Variants in TMEM200A observed in about 807,000 individuals in gnomAD.
TMEM200A encodes two transmembrane C.
Under a neutral mutation model 24.3 loss-of-function variants are expected in TMEM200A, and 12 were observed. The ratio of observed to expected loss-of-function variants is 0.49; its 90% CI spans 0.32 to 0.80. The LOEUF is 0.80. Among genes scored for constraint, TMEM200A ranks in the 30% least tolerant of loss-of-function variants. TMEM200A has a pLI of 0.04. For missense variants in TMEM200A, 545 were observed against 614.4 expected (o/e 0.89, Z 1.19); for synonymous variants, 224 against 224.4 (o/e 1.00, Z 0.02).
intron 2 of TMEM200A, among the ~76,000 whole-genome samples, chr6:130,395,843 A>G (rs1212873781): frequency 6.6e-6 from 1 of 152,248 alleles, no homozygotes; most frequent in East Asian, 1.9e-4. Flanking sequence ...ATACTGAACT[A>G]ATAGTACTGT....
At chr6:130,398,011 G>C (rs1778991166) in intron 2 of TMEM200A, among the ~76,000 whole-genome samples, 1 of 151,708 alleles carries the variant, frequency 6.6e-6, no homozygotes, top group African/African-American at 2.4e-5. Flanking sequence ...TACATTTGTA[G>C]GTTTGTTACA....
rs143440755 is a variant in TMEM200A, at chr6:130,396,961, T to C, written c.-17+11725T>C. Among the ~76,000 whole-genome samples the C allele has an allele frequency of 6.0e-3, 920 of 152,342 alleles. 6 individuals carry two copies. The highest frequency in any genetic ancestry group is 0.017 in the South Asian group (81 of 4,828). On this transcript the variant is annotated intron_variant, in intron 2 of 2. Coordinates refer to ENST00000296978, the MANE Select transcript of TMEM200A (RefSeq NM_001258277.2). ...GCTTCATACTTTTACTTTCTGTTTG[T>C]ACTTACAATTATTTATAGCATTGTC... is the stretch of plus-strand genomic sequence containing the variant.
intron 1 of TMEM200A, among the ~76,000 whole-genome samples, chr6:130,378,825 G>A (rs1778529923): frequency 6.6e-6 from 1 of 151,968 alleles, no homozygotes; most frequent in South Asian, 2.1e-4. Context: ...TTTATTTCAT[G>A]CTGCTGTAAC....
At chr6:130,400,633 A>G (rs1779063644) in intron 2 of TMEM200A, among the ~76,000 whole-genome samples, 1 of 151,656 alleles carries the variant, frequency 6.6e-6, no homozygotes, top group African/African-American at 2.4e-5. Context: ...GAGGGGTTTC[A>G]TTAGTCCAAG....
chr6:130,426,697 A>C (rs779617208), intron 2 of TMEM200A, among the ~76,000 whole-genome samples: 4 of 152,212 alleles, frequency 2.6e-5, no homozygotes, highest in African/African-American at 4.8e-5. Context: ...GGAAAGAAAG[A>C]AAGCCATGTC....
At chr6:130,391,543 T>C (rs1333670873) in intron 2 of TMEM200A, among the ~76,000 whole-genome samples, 2 of 152,064 alleles carry the variant, frequency 1.3e-5, no homozygotes, top group East Asian at 3.9e-4. Flanking sequence ...GCAATTCCCA[T>C]ACCCAGGCTC....
intron 1 of TMEM200A, chr6:130,381,850 G>C: frequency 2.1e-6 from 2 of 937,706 alleles, no homozygotes; most frequent in Non-Finnish European, 2.5e-6. Flanking sequence ...AGTAGAATTT[G>C]AGAAATTGCT....
chr6:130,397,035 T>C (rs1182030555), intron 2 of TMEM200A, among the ~76,000 whole-genome samples: 1 of 152,188 alleles, frequency 6.6e-6, no homozygotes, highest in Non-Finnish European at 1.5e-5. Context: ...CACATGCTCT[T>C]TGCACATTTT....
intron 2 of TMEM200A, 118 bp from the exon 3 acceptor site, chr6:130,440,289 A>G (rs1780123495): frequency 2.0e-6 from 2 of 1,025,512 alleles, no homozygotes; most frequent in East Asian, 5.6e-5. Context: ...GCCCCATTTA[A>G]TCACATGAAA....
intron 2 of TMEM200A, among the ~76,000 whole-genome samples, chr6:130,422,113 ATTGT>A (rs1223893571): frequency 1.3e-5 from 2 of 152,090 alleles, no homozygotes; most frequent in African/African-American, 2.4e-5. Context: ...CCTGTTTTTG[ATTGT>A]TTGAGGAACC....
chr6:130,368,430 C>A (rs77479140), intron 1 of TMEM200A, among the ~76,000 whole-genome samples: 2,779 of 152,168 alleles, frequency 0.018, 23 homozygotes, highest in Non-Finnish European at 0.027. Flanking sequence ...CGTTACTTAT[C>A]AAATAGAGGG....
chr6:130,383,788 A>G (rs888585957), intron 1 of TMEM200A, among the ~76,000 whole-genome samples: 2 of 152,186 alleles, frequency 1.3e-5, no homozygotes, highest in African/African-American at 4.8e-5. Flanking sequence ...CATGGGACCC[A>G]TAGAACCTCG....
intron 1 of TMEM200A, among the ~76,000 whole-genome samples, chr6:130,378,979 C>T (rs188126702): frequency 2.7e-4 from 41 of 152,236 alleles, no homozygotes; most frequent in African/African-American, 8.9e-4. Flanking sequence ...GGCAGAAGGA[C>T]GAGAGCATAT....
intron 2 of TMEM200A, among the ~76,000 whole-genome samples, chr6:130,405,862 C>T (rs1053793760): frequency 6.6e-6 from 1 of 152,192 alleles, no homozygotes; most frequent in African/African-American, 2.4e-5. Flanking sequence ...ACATGCTTAA[C>T]ACTTCACTGG....
At chr6:130,418,703 G>C (rs1779512927) in intron 2 of TMEM200A, among the ~76,000 whole-genome samples, 1 of 152,040 alleles carries the variant, frequency 6.6e-6, no homozygotes, top group Admixed American at 6.6e-5. Context: ...GAAAGATCTG[G>C]GTTTGGGTCC....
upstream of TMEM200A, chr6:130,365,987 T>A: frequency 2.0e-6 from 2 of 985,408 alleles, no homozygotes. Flanking sequence ...TCTTCGGGGC[T>A]TTATGGCGTG....
At chr6:130,368,270 T>A (rs1583165710) in intron 1 of TMEM200A, among the ~76,000 whole-genome samples, 1 of 152,216 alleles carries the variant, frequency 6.6e-6, no homozygotes, top group East Asian at 1.9e-4. Context: ...TTAAATGCTG[T>A]ACTTCTCATG....
chr6:130,369,000 T>G (rs1325435351), intron 1 of TMEM200A, among the ~76,000 whole-genome samples: 1 of 152,124 alleles, frequency 6.6e-6, no homozygotes, highest in Non-Finnish European at 1.5e-5. Flanking sequence ...GAAGTCAGTG[T>G]GTGTGTGTAG....
intron 2 of TMEM200A, among the ~76,000 whole-genome samples, chr6:130,396,539 GTAAA>G (rs1778958233): frequency 2.0e-5 from 3 of 151,848 alleles, no homozygotes; most frequent in South Asian, 2.1e-4. Context: ...ATATAAAGAA[GTAAA>G]TAAATGTTGG....
Sources: allele counts gnomAD v4.1 joint callset (sites outside exome capture counted in the v4.1 genomes callset), GRCh38; gene constraint gnomAD v4.1.1; transcripts MANE v1.5; gene names NCBI Gene and HGNC (gene_info 2026-07-23, HGNC 2026-07-21).